The following MALRD1 variants were observed in gnomAD, a reference collection of about 807,000 sequenced individuals.
The protein encoded by MALRD1 is MAM and LDL-receptor class A domain-containing protein 1.
In MALRD1, 247 loss-of-function variants were observed where a neutral mutation model predicts 242.1. The observed-to-expected ratio is 1.02, with a 90% CI of 0.92 to 1.13. The LOEUF is 1.13. Among genes scored for constraint, MALRD1 ranks in the 50% most tolerant of loss-of-function variants. The pLI, the probability that MALRD1 is intolerant of heterozygous loss-of-function variation, is 0.00. For synonymous variants in MALRD1, 995 were observed against 866.6 expected (o/e 1.15, Z -2.60); for missense variants, 2,989 against 2,533.1 (o/e 1.18, Z -3.86).
chr10:19,200,313 C>T (rs1482002593), intron 14 of MALRD1, among the ~76,000 whole-genome samples: 1 of 152,190 alleles, frequency 6.6e-6, no homozygotes, highest in African/African-American at 2.4e-5. Context: ...TACTCACATG[C>T]TCAGCCTTTG....
intron 1 of MALRD1, among the ~76,000 whole-genome samples, chr10:19,053,723 G>A (rs1834577199): frequency 2.0e-5 from 3 of 152,024 alleles, no homozygotes; most frequent in Non-Finnish European, 4.4e-5. Flanking sequence ...TTGACATCCT[G>A]TAAGTGAAGT....
At chr10:19,234,902 T>A (rs772095221) in intron 18 of MALRD1, among the ~76,000 whole-genome samples, 1 of 152,008 alleles carries the variant, frequency 6.6e-6, no homozygotes, top group Non-Finnish European at 1.5e-5. Flanking sequence ...GAAGTGTGGG[T>A]AGGAGATGGC....
chr10:19,292,370 T>C (rs1170600841), intron 21 of MALRD1, among the ~76,000 whole-genome samples: 2 of 152,160 alleles, frequency 1.3e-5, no homozygotes, highest in Non-Finnish European at 1.5e-5. Flanking sequence ...TATTTTAAAA[T>C]GTTGTGGATT....
chr10:19,530,418 A>ATATAT (rs1200557957), intron 31 of MALRD1, among the ~76,000 whole-genome samples: 14 of 83,768 alleles, frequency 1.7e-4, no homozygotes, highest in South Asian at 1.5e-3. Context: ...TTTATATAAT[A>ATATAT]ATAAATATAT....
chr10:19,515,252 T>C (rs866122753), intron 31 of MALRD1, among the ~76,000 whole-genome samples: 1 of 152,190 alleles, frequency 6.6e-6, no homozygotes. Context: ...AATGAACTCT[T>C]AGTGACCTTA....
At chr10:19,374,184 G>A (rs1432542332) in intron 26 of MALRD1, among the ~76,000 whole-genome samples, 2 of 152,074 alleles carry the variant, frequency 1.3e-5, no homozygotes, top group African/African-American at 4.8e-5. Context: ...AAATGCCTTA[G>A]TAATTTAGAC....
intron 26 of MALRD1, among the ~76,000 whole-genome samples, chr10:19,381,990 G>A (rs1432752013): frequency 1.3e-5 from 2 of 152,032 alleles, no homozygotes; most frequent in Non-Finnish European, 2.9e-5. Context: ...ATGGTACTAC[G>A]AAATTTGTAT....
At chr10:19,050,154 C>G (rs1415571293) in intron 1 of MALRD1, among the ~76,000 whole-genome samples, 1 of 131,450 alleles carries the variant, frequency 7.6e-6, no homozygotes, top group Non-Finnish European at 1.5e-5. Flanking sequence ...GTGGCGGGAT[C>G]TCGGCTCACT....
chr10:19,716,770 C>A (rs556022839), intron 38 of MALRD1: 36 of 152,264 alleles, frequency 2.4e-4, no homozygotes, highest in Admixed American at 5.2e-4. Context: ...ATTCACTGGT[C>A]TATTTTTCAC....
chr10:19,319,558 T>G (rs1842835207), intron 21 of MALRD1, among the ~76,000 whole-genome samples: 2 of 152,132 alleles, frequency 1.3e-5, no homozygotes, highest in South Asian at 4.1e-4. Flanking sequence ...ACAAAAAATC[T>G]CATAAACAAA....
chr10:19,511,563 T>C (rs3852468), intron 31 of MALRD1, among the ~76,000 whole-genome samples: 20,407 of 152,198 alleles, frequency 0.13, 1,446 homozygotes, highest in East Asian at 0.22. Flanking sequence ...AAAACCCTCA[T>C]TATATGTTTT....
chr10:19,300,530 G>A (rs184019909), intron 21 of MALRD1, among the ~76,000 whole-genome samples: 1 of 151,784 alleles, frequency 6.6e-6, no homozygotes, highest in African/African-American at 2.4e-5. Context: ...AATAGAAGAG[G>A]TTAAAGAACC....
intron 18 of MALRD1, among the ~76,000 whole-genome samples, chr10:19,233,251 C>G (rs1290019962): frequency 6.6e-6 from 1 of 152,134 alleles, no homozygotes; most frequent in African/African-American, 2.4e-5. Context: ...CCTGTAGTCC[C>G]AGCTCTTTGG....
chr10:19,302,452 G>A (rs1841992819), intron 21 of MALRD1, among the ~76,000 whole-genome samples: 2 of 151,828 alleles, frequency 1.3e-5, no homozygotes, highest in African/African-American at 4.8e-5. Context: ...CTATTCAGCT[G>A]TAAAATGGAA....
intron 21 of MALRD1, among the ~76,000 whole-genome samples, chr10:19,316,165 A>G (rs539852985): frequency 1.1e-4 from 17 of 150,682 alleles, no homozygotes; most frequent in South Asian, 1.1e-3. Context: ...ACTAAGGACA[A>G]TTGCTCTGCA....
rs1834533144 is a variant in MALRD1, at chr10:19,163,501, TA to T, written c.1657-2135del. 2.1e-5 allele frequency among the ~76,000 whole-genome samples: 3 copies of T among 140,104 alleles called. No homozygotes were observed. The South Asian group carries it at 7.4e-4, about 35-fold the overall frequency. 91.9% of individuals were successfully genotyped at this position (140,104 alleles called of 152,430 possible). On this transcript the variant is annotated intron_variant, in intron 12 of 39. Transcript: ENST00000454679. ...AAACAACAGACACGGGGGTCTACTT[TA>T]GGGGGGAGGGTGGAGGAGGGAGAGG...
intron 32 of MALRD1, among the ~76,000 whole-genome samples, chr10:19,560,627 T>G (rs1589240228): frequency 6.6e-6 from 1 of 152,114 alleles, no homozygotes; most frequent in Non-Finnish European, 1.5e-5. Context: ...GAATACTATG[T>G]AGCCATAAAA....
chr10:19,231,592 G>T (rs58593140), intron 18 of MALRD1, among the ~76,000 whole-genome samples: 12,906 of 151,736 alleles, frequency 0.085, 638 homozygotes, highest in Non-Finnish European at 0.11. Context: ...AGATCTGATG[G>T]TTTTAAAATG....
intron 13 of MALRD1, among the ~76,000 whole-genome samples, chr10:19,169,823 C>G (rs987460503): frequency 1.3e-5 from 2 of 152,138 alleles, no homozygotes; most frequent in Non-Finnish European, 2.9e-5. Flanking sequence ...GATTAGTAGC[C>G]TGAGTCATTT....
Sources: gnomAD v4.1 joint callset for allele counts (sites outside exome capture counted in the v4.1 genomes callset) on GRCh38, gnomAD v4.1.1 for gene constraint, MANE v1.5 for transcripts, NCBI Gene and HGNC (gene_info 2026-07-23, HGNC 2026-07-21) for gene names.